Variants in CALN1 observed in about 807,000 individuals in gnomAD.
CALN1 encodes the protein calneuron 1, also known as calcium-binding protein 8.
CALN1 carries 17 observed loss-of-function variants against 30.6 expected under a neutral mutation model. The observed-to-expected ratio is 0.56, with a 90% CI of 0.38 to 0.83. The LOEUF is 0.83. Among genes scored for constraint, CALN1 ranks in the 40% least tolerant of loss-of-function variants. The pLI, the probability that CALN1 is intolerant of heterozygous loss-of-function variation, is 0.00. For synonymous variants in CALN1, 156 were observed against 131.4 expected, an observed-to-expected ratio of 1.19 and a Z score of -1.28; for missense variants, 291 against 354.9, an observed-to-expected ratio of 0.82 and a Z score of 1.45.
At chr7:72,213,168 T>C (rs959371709) in intron 3 of CALN1, among the ~76,000 whole-genome samples, 2 of 152,238 alleles carry the variant, frequency 1.3e-5, no homozygotes, top group African/African-American at 4.8e-5. Context: ...TAATTGCTAA[T>C]GCATTGCGTG....
intron 5 of CALN1, among the ~76,000 whole-genome samples, chr7:71,830,033 C>CTTTTTTTTTTTTTTTTTTTTT (rs67629864): frequency 7.3e-6 from 1 of 136,718 alleles, no homozygotes; most frequent in African/African-American, 2.7e-5. Context: ...GAGTAAGTTC[C>CTTTTTTTTTTTTTTTTTTTTT]TTTTTTTTTT....
At chr7:72,394,891 C>T (rs1209945233) in intron 2 of CALN1, among the ~76,000 whole-genome samples, 1 of 152,086 alleles carries the variant, frequency 6.6e-6, no homozygotes, top group East Asian at 1.9e-4. Context: ...CTGCTGGACT[C>T]AAGTGATCCT....
chr7:71,965,426 C>T (rs1191833578), intron 5 of CALN1, among the ~76,000 whole-genome samples: 1 of 152,136 alleles, frequency 6.6e-6, no homozygotes, highest in Non-Finnish European at 1.5e-5. Context: ...AAGAAGGTGC[C>T]AACCTTCTGT....
chr7:72,440,090 C>T (rs981202743), intron 1 of CALN1, among the ~76,000 whole-genome samples: 4 of 152,198 alleles, frequency 2.6e-5, no homozygotes, highest in African/African-American at 7.2e-5. Flanking sequence ...TATCATCTCA[C>T]GGACAACAAA....
intron 4 of CALN1, among the ~76,000 whole-genome samples, chr7:72,070,256 T>C (rs1804297741): frequency 1.3e-5 from 2 of 152,308 alleles, no homozygotes; most frequent in Middle Eastern, 6.8e-3. Context: ...ATTCCCATCT[T>C]TCTCTCTCCC....
chr7:71,964,210 A>T (rs1379073331), intron 5 of CALN1, among the ~76,000 whole-genome samples: 1 of 151,908 alleles, frequency 6.6e-6, no homozygotes, highest in African/African-American at 2.4e-5. Context: ...CAGGGTTGTG[A>T]CTCTTCTTTG....
At chr7:71,862,919 A>G (rs1473560853) in intron 5 of CALN1, among the ~76,000 whole-genome samples, 1 of 152,216 alleles carries the variant, frequency 6.6e-6, no homozygotes, top group African/African-American at 2.4e-5. Flanking sequence ...AGATAATCCA[A>G]GTTAGTTGAA....
At chr7:72,324,303 T>A (rs1035021429) in intron 2 of CALN1, among the ~76,000 whole-genome samples, 1 of 152,042 alleles carries the variant, frequency 6.6e-6, no homozygotes, top group East Asian at 1.9e-4. Flanking sequence ...TCTGGAGGGA[T>A]TTCACCTCCT....
At chr7:72,032,426 T>C (rs1801518661) in intron 4 of CALN1, among the ~76,000 whole-genome samples, 1 of 151,904 alleles carries the variant, frequency 6.6e-6, no homozygotes, top group African/African-American at 2.4e-5. Flanking sequence ...CCTGGCCTCA[T>C]GTGATCCTCC....
intron 2 of CALN1, among the ~76,000 whole-genome samples, chr7:72,386,535 G>A (rs564811229): frequency 1.5e-4 from 23 of 152,238 alleles, no homozygotes; most frequent in Non-Finnish European, 2.6e-4. Flanking sequence ...GTAGGAGCCA[G>A]ATTGCAGTAC....
chr7:71,944,835 TGGTACC>T (rs1348056510), intron 5 of CALN1, among the ~76,000 whole-genome samples: 19 of 152,302 alleles, frequency 1.2e-4, no homozygotes, highest in African/African-American at 4.6e-4. Context: ...GCTACCAATG[TGGTACC>T]AGTCTCCCAG....
intron 3 of CALN1, among the ~76,000 whole-genome samples, chr7:72,198,018 T>C (rs1224760966): frequency 6.6e-6 from 1 of 152,204 alleles, no homozygotes; most frequent in Non-Finnish European, 1.5e-5. Context: ...AAAAGGTTCA[T>C]TCCCTCTTTG....
At chr7:72,282,354 C>G (rs1023375798) in intron 2 of CALN1, among the ~76,000 whole-genome samples, 2 of 152,196 alleles carry the variant, frequency 1.3e-5, no homozygotes, top group Non-Finnish European at 2.9e-5. Flanking sequence ...AACAATCTTT[C>G]TGTGTTTTAT....
At chr7:71,821,140 T>C (rs1788562439) in intron 5 of CALN1, among the ~76,000 whole-genome samples, 1 of 152,086 alleles carries the variant, frequency 6.6e-6, no homozygotes, top group Non-Finnish European at 1.5e-5. Flanking sequence ...TTAGCATTCA[T>C]TTGCATACAG....
At chr7:72,395,530 G>A (rs1004546544) in intron 2 of CALN1, among the ~76,000 whole-genome samples, 1 of 152,152 alleles carries the variant, frequency 6.6e-6, no homozygotes, top group Non-Finnish European at 1.5e-5. Flanking sequence ...GAATTTTACT[G>A]ACCATGAAGC....
chr7:71,858,149 T>A (rs1247069526), intron 5 of CALN1, among the ~76,000 whole-genome samples: 2 of 152,172 alleles, frequency 1.3e-5, no homozygotes, highest in Non-Finnish European at 1.5e-5. Flanking sequence ...GTTACCTCCA[T>A]GCTGTCCTCA....
chr7:72,348,066 G>A (rs1336147289), intron 2 of CALN1, among the ~76,000 whole-genome samples: 1 of 152,092 alleles, frequency 6.6e-6, no homozygotes, highest in Non-Finnish European at 1.5e-5. Context: ...AGGAAGCGAA[G>A]GTTGCAGTGA....
chr7:72,162,109 A>G (rs1788155469), intron 3 of CALN1, among the ~76,000 whole-genome samples: 1 of 151,810 alleles, frequency 6.6e-6, no homozygotes, highest in African/African-American at 2.4e-5. Context: ...GAGGTAACTG[A>G]TATTATAGCA....
intron 1 of CALN1, among the ~76,000 whole-genome samples, chr7:72,405,612 G>A (rs1451703947): frequency 6.6e-6 from 1 of 151,746 alleles, no homozygotes; most frequent in Non-Finnish European, 1.5e-5. Context: ...ACACTACAAC[G>A]CCCACTTCCC....
Sources: allele counts gnomAD v4.1 joint callset (sites outside exome capture counted in the v4.1 genomes callset), GRCh38; gene constraint gnomAD v4.1.1; transcripts MANE v1.5; gene names NCBI Gene and HGNC (gene_info 2026-07-23, HGNC 2026-07-21).